Variants in CACNA2D2 observed in about 807,000 individuals in gnomAD.
CACNA2D2 encodes calcium voltage-gated channel auxiliary subunit alpha2delta 2.
CACNA2D2 carries 48 observed loss-of-function variants against 166.4 expected under a neutral mutation model. The observed-to-expected ratio is 0.29, with a 90% CI of 0.23 to 0.37. The LOEUF is 0.37. Ranked by LOEUF, CACNA2D2 falls within the 10% of genes least tolerant of loss-of-function variation. The pLI, the probability that CACNA2D2 is intolerant of heterozygous loss-of-function variation, is 1.00. For missense variants in CACNA2D2, 1,122 were observed against 1,433.0 expected (o/e 0.78, Z 3.50); for synonymous variants, 561 against 573.7 (o/e 0.98, Z 0.32).
rs1249602794 is a variant in CACNA2D2, at chr3:50,373,041, T to C, written c.1984+1696A>G. 10 of 1,521,434 alleles carry C rather than the reference T, an allele frequency of 6.6e-6. No homozygotes were observed. The South Asian group carries it at 1.2e-4, about 18-fold the overall frequency. 94.2% of individuals were successfully genotyped at this position (1,521,434 alleles called of 1,614,324 possible). ...GATGGGAGGGGTGGGAAGAGGAGGG[T>C]GCACTGGTTCTGAATATACTTGCCC... is the stretch of plus-strand genomic sequence containing the variant. On this transcript the variant is annotated intron_variant, in intron 22 of 37. Coordinates refer to ENST00000424201, the MANE Select transcript of CACNA2D2 (RefSeq NM_006030.4).
chr3:50,385,020 C>CCA (rs1705517626), intron 5 of CACNA2D2, among the ~76,000 whole-genome samples: 1 of 152,212 alleles, frequency 6.6e-6, no homozygotes, highest in Non-Finnish European at 1.5e-5. Context: ...CTAAAATGAG[C>CCA]CACAGCAGCC....
intron 2 of CACNA2D2, among the ~76,000 whole-genome samples, chr3:50,445,175 C>T (rs1296242138): frequency 1.3e-5 from 2 of 152,202 alleles, no homozygotes; most frequent in East Asian, 1.9e-4. Context: ...ACGGTTGGGG[C>T]TACCTGAAGG....
chr3:50,498,295 G>A (rs1698807933), intron 1 of CACNA2D2, among the ~76,000 whole-genome samples: 1 of 151,972 alleles, frequency 6.6e-6, no homozygotes, highest in Non-Finnish European at 1.5e-5. Flanking sequence ...CATCCGGATG[G>A]CATGAGGCTC....
rs374302648 is a variant in CACNA2D2, at chr3:50,364,977, A to G, written c.3209-7T>C. On this transcript the variant is annotated splice_polypyrimidine_tract_variant and splice_region_variant and intron_variant, in intron 36 of 37. Coordinates refer to ENST00000424201, the MANE Select transcript of CACNA2D2 (RefSeq NM_006030.4). ...CACTGCTCCGGGCCGTCCGCTGGGC[A>G]TGGGTGGGGAGTCAAGGAGGCGGAC... The G allele has an allele frequency of 1.3e-6, 2 of 1,544,702 alleles. No homozygotes were observed. The highest frequency in any genetic ancestry group is 2.5e-5 in the East Asian group (1 of 39,518).
Position 50,375,629 on chromosome 3 carries a change from C to G in CACNA2D2, c.1907+15G>C. On this transcript the variant is annotated intron_variant, in intron 21 of 37. Coordinates refer to ENST00000424201, the MANE Select transcript of CACNA2D2 (RefSeq NM_006030.4). This position sits in a 1 kb window ranked among gnomAD's most constrained non-coding sequence, Gnocchi z 4.0. ...ACCCCACCCTCTCTGCCCGCCCAGC[C>G]CTGGCCTCACTTACCTGTAGTTAGT... 1 of 1,612,658 alleles carries G rather than the reference C, an allele frequency of 6.2e-7. No individual in the cohort carries two copies. Among genetic ancestry groups the G allele is most frequent in the East Asian group, 2.2e-5 (1 of 44,872 alleles).
At chr3:50,498,506 C>A (rs1190287628) in intron 1 of CACNA2D2, among the ~76,000 whole-genome samples, 3 of 152,210 alleles carry the variant, frequency 2.0e-5, no homozygotes, top group Non-Finnish European at 4.4e-5. Flanking sequence ...CTCCTCTCCT[C>A]CACCCCTCCA....
At chr3:50,407,491 G>A (rs1706780422) in intron 3 of CACNA2D2, among the ~76,000 whole-genome samples, 2 of 152,168 alleles carry the variant, frequency 1.3e-5, no homozygotes, top group Non-Finnish European at 2.9e-5. Flanking sequence ...ACTCTACCAG[G>A]GCCCCTGAAG....
intron 1 of CACNA2D2, among the ~76,000 whole-genome samples, chr3:50,493,327 T>C (rs1322550058): frequency 6.6e-6 from 1 of 152,236 alleles, no homozygotes; most frequent in Admixed American, 6.5e-5. Flanking sequence ...AGTGGGCATG[T>C]GACTCAGTGC....
intron 3 of CACNA2D2, among the ~76,000 whole-genome samples, chr3:50,430,023 C>T (rs1423496382): frequency 6.6e-6 from 1 of 152,212 alleles, no homozygotes; most frequent in East Asian, 1.9e-4. Flanking sequence ...GGGGCACAGG[C>T]ATGTTAGGAG....
intron 22 of CACNA2D2, 31 bp downstream of exon 22, chr3:50,374,706 G>A: frequency 1.3e-6 from 2 of 1,569,836 alleles, no homozygotes; most frequent in Non-Finnish European, 8.6e-7. Flanking sequence ...GAGGCAGGGT[G>A]CAGGGCGCAG....
chr3:50,420,291 G>A (rs919445240), intron 3 of CACNA2D2, among the ~76,000 whole-genome samples: 3 of 152,212 alleles, frequency 2.0e-5, no homozygotes, highest in African/African-American at 4.8e-5. Flanking sequence ...GCCCCTGCCC[G>A]GCTGGGGTCC....
At chr3:50,473,234 C>G (rs1710173806) in intron 2 of CACNA2D2, among the ~76,000 whole-genome samples, 1 of 152,204 alleles carries the variant, frequency 6.6e-6, no homozygotes, top group African/African-American at 2.4e-5. Context: ...CAGCCTGCAC[C>G]CAGCCATGCC....
chr3:50,386,781 C>T (rs1002891238), intron 5 of CACNA2D2, among the ~76,000 whole-genome samples: 1 of 152,228 alleles, frequency 6.6e-6, no homozygotes, highest in South Asian at 2.1e-4. Context: ...CACTGTGCTG[C>T]TGTGACACCT....
chr3:50,498,749 C>A (rs1218374376), intron 1 of CACNA2D2, among the ~76,000 whole-genome samples: 1 of 152,164 alleles, frequency 6.6e-6, no homozygotes, highest in Non-Finnish European at 1.5e-5. Flanking sequence ...AGTCCCAGGC[C>A]CAGCTCTCAT....
At position 50,380,895 on chromosome 3, in the gene CACNA2D2, TAC is replaced by T. The variant is rs1705271166; in HGVS notation, c.785-92_785-91del. 4.5e-6 allele frequency: 7 copies of T among 1,554,470 alleles called. No individual in the cohort carries two copies. Among genetic ancestry groups the T allele is most frequent in the African/African-American group, 4.1e-5 (3 of 73,508 alleles). ...CAGAGGCGACTGGGCTGCCACAGAC[TAC>T]AGAGAAGCCACCCCGCCCCATGCCC... On this transcript the variant is annotated intron_variant, in intron 7 of 37. Transcript: ENST00000424201. The surrounding 1 kb of genome is among the most constrained non-coding windows in gnomAD (Gnocchi z 4.9).
At chr3:50,501,013 G>A (rs1444187506) in intron 1 of CACNA2D2, among the ~76,000 whole-genome samples, 1 of 152,142 alleles carries the variant, frequency 6.6e-6, no homozygotes, top group African/African-American at 2.4e-5. Flanking sequence ...CTTCCCCACT[G>A]AGGGGTTGTC....
intron 6 of CACNA2D2, among the ~76,000 whole-genome samples, chr3:50,382,302 C>A (rs1416872775): frequency 6.6e-6 from 1 of 152,192 alleles, no homozygotes; most frequent in Non-Finnish European, 1.5e-5. Flanking sequence ...ACCGTCACCC[C>A]GTACAGGGAT....
chr3:50,380,129 G>C lies in CACNA2D2; in HGVS notation c.843-111C>G. 1 of 1,063,996 alleles carries C rather than the reference G, an allele frequency of 9.4e-7. No homozygotes were observed. The highest frequency in any genetic ancestry group is 1.4e-6 in the Non-Finnish European group (1 of 700,810). The allele number at this position is 1,063,996 out of a possible 1,614,324, so 65.9% of individuals were successfully genotyped here. On this transcript the variant is annotated intron_variant, in intron 8 of 37. Transcript: ENST00000424201. The surrounding 1 kb of genome is among the most constrained non-coding windows in gnomAD (Gnocchi z 4.9). ...ATTTCTCTTGAGCATGCACTGTGTG[G>C]GCCAGGCAGGGTTCTATGCACCGAT... is the stretch of plus-strand genomic sequence containing the variant.
chr3:50,385,705 C>G (rs1255644410), intron 5 of CACNA2D2, among the ~76,000 whole-genome samples: 2 of 152,232 alleles, frequency 1.3e-5, no homozygotes, highest in African/African-American at 4.8e-5. Flanking sequence ...CTGGCACACC[C>G]TAGAAGCCCT....
Sources: allele counts gnomAD v4.1 joint callset (sites outside exome capture counted in the v4.1 genomes callset), GRCh38; gene constraint gnomAD v4.1.1; non-coding constraint Gnocchi (gnomAD v3.1); transcripts MANE v1.5; gene names NCBI Gene and HGNC (gene_info 2026-07-23, HGNC 2026-07-21).